The following LRRC8B variants were observed in gnomAD, a reference collection of about 807,000 sequenced individuals.
LRRC8B encodes the protein volume-regulated anion channel subunit LRRC8B.
In LRRC8B, 23 loss-of-function variants were observed where a neutral mutation model predicts 58.8. The observed-to-expected ratio is 0.39, with a 90% CI of 0.28 to 0.55. The LOEUF (loss-of-function observed/expected upper bound fraction) is 0.55. Among genes scored for constraint, LRRC8B ranks in the 20% least tolerant of loss-of-function variants. The pLI, the probability that LRRC8B is intolerant of heterozygous loss-of-function variation, is 0.62. For missense variants in LRRC8B, 694 were observed against 936.0 expected, an observed-to-expected ratio of 0.74 and a Z score of 3.37; for synonymous variants, 359 against 374.1, an observed-to-expected ratio of 0.96 and a Z score of 0.47.
At chr1:89,574,680 C>T (rs1653716619) in intron 3 of LRRC8B, among the ~76,000 whole-genome samples, 1 of 152,062 alleles carries the variant, frequency 6.6e-6, no homozygotes, top group African/African-American at 2.4e-5. Flanking sequence ...TTTAAGCAGA[C>T]TTTAGAGGAA....
Position 89,597,394 on chromosome 1 carries a change from T to A in LRRC8B, c.*4351T>A, listed in dbSNP as rs1297859934. The A allele has an allele frequency of 6.6e-6, 1 of 152,244 alleles. No homozygotes were observed. Among genetic ancestry groups the A allele is most frequent in the Non-Finnish European group, 1.5e-5 (1 of 68,036 alleles). The allele number at this position is 152,244 out of a possible 1,614,324, so 9.4% of individuals were successfully genotyped here. ...AACAATTATGAATGCCTTCTGCATGTTGTACATTATCTCTAACAGAGATGG... is the reference window on the plus strand; with the variant it reads ...AACAATTATGAATGCCTTCTGCATGATGTACATTATCTCTAACAGAGATGG... On this transcript the variant is annotated 3_prime_UTR_variant, in exon 6 of 6. Transcript: ENST00000330947.
At chr1:89,547,787 AG>A (rs1240892742) in intron 1 of LRRC8B, among the ~76,000 whole-genome samples, 2 of 149,312 alleles carry the variant, frequency 1.3e-5, no homozygotes, top group South Asian at 2.2e-4. Context: ...GACAGCAAAA[AG>A]CTTTCTTCAT....
intron 3 of LRRC8B, among the ~76,000 whole-genome samples, chr1:89,573,290 C>G (rs1408032849): frequency 2.0e-5 from 3 of 149,662 alleles, no homozygotes; most frequent in African/African-American, 7.4e-5. Flanking sequence ...CAGAGCAAGA[C>G]TCCGTCTCAA....
At chr1:89,538,447 G>A (rs1382234541) in intron 1 of LRRC8B, among the ~76,000 whole-genome samples, 1 of 152,160 alleles carries the variant, frequency 6.6e-6, no homozygotes, top group African/African-American at 2.4e-5. Flanking sequence ...CCCTTAGAGT[G>A]AAGTGACTGT....
chr1:89,543,193 G>A (rs935684032), intron 1 of LRRC8B, among the ~76,000 whole-genome samples: 8 of 152,116 alleles, frequency 5.3e-5, no homozygotes, highest in African/African-American at 1.9e-4. Flanking sequence ...TCAGTAAATA[G>A]ACAAGTAAAA....
intron 1 of LRRC8B, among the ~76,000 whole-genome samples, chr1:89,527,928 A>G (rs1649822295): frequency 6.6e-6 from 1 of 151,932 alleles, no homozygotes; most frequent in African/African-American, 2.4e-5. Flanking sequence ...ATTTACATTT[A>G]CTCCTTCAGT....
chr1:89,536,601 T>C (rs1211978889), intron 1 of LRRC8B, among the ~76,000 whole-genome samples: 1 of 152,158 alleles, frequency 6.6e-6, no homozygotes, highest in African/African-American at 2.4e-5. Flanking sequence ...GAAGCATATA[T>C]GCTAGAGGAG....
At position 89,584,641 on chromosome 1, in the gene LRRC8B, A is replaced by G. The variant is rs374849265; in HGVS notation, c.1991A>G (p.Asp664Gly). Residue 664 changes from aspartate (D) to glycine (G), a missense_variant, in exon 5 of 6, where the codon GAC becomes GGC. Physicochemically the swap from Asp to Gly is moderately conservative, Grantham distance 94. This residue lies in a region of LRRC8B where 139 missense variants were observed against 158.2 expected (regional missense o/e 0.88). Transcript: ENST00000330947. ...TCTAACCTAGAGCAGCTCTCTTTGG[A>G]CCATAATAATATTGAGAATCTGCCC... ...ALSNLEQLSL[D>G]HNNIENLPLQ... The G allele has an allele frequency of 8.1e-6, 13 of 1,613,940 alleles. No individual in the cohort carries two copies. In the African/African-American group the frequency reaches 1.5e-4, roughly 18 times the overall value.
intron 5 of LRRC8B, among the ~76,000 whole-genome samples, chr1:89,589,787 A>G (rs1457700855): frequency 1.3e-5 from 2 of 149,182 alleles, no homozygotes; most frequent in East Asian, 3.9e-4. Flanking sequence ...AAAAAAAAGG[A>G]AATCTGGTAT....
intron 1 of LRRC8B, 135 bp downstream of exon 1, chr1:89,525,157 C>T (rs1397394999): frequency 6.6e-6 from 1 of 152,350 alleles, no homozygotes; most frequent in Non-Finnish European, 1.5e-5. Flanking sequence ...CACGCCTCAC[C>T]TGCGAGCCAG....
chr1:89,534,499 A>G (rs1650377027), intron 1 of LRRC8B, among the ~76,000 whole-genome samples: 1 of 148,368 alleles, frequency 6.7e-6, no homozygotes, highest in Non-Finnish European at 1.5e-5. Context: ...TTTCATTATC[A>G]TGTCTTTTGT....
chr1:89,543,883 G>C (rs563356410), intron 1 of LRRC8B, among the ~76,000 whole-genome samples: 1 of 151,948 alleles, frequency 6.6e-6, no homozygotes, highest in South Asian at 2.1e-4. Context: ...GATCTCCCAG[G>C]CTCAGGCTAT....
At chr1:89,533,662 T>A (rs1193101328) in intron 1 of LRRC8B, among the ~76,000 whole-genome samples, 1 of 152,224 alleles carries the variant, frequency 6.6e-6, no homozygotes, top group Non-Finnish European at 1.5e-5. Context: ...GAGAACAGCT[T>A]GGCCTCCTCC....
At chr1:89,574,507 A>G (rs916684954) in intron 3 of LRRC8B, among the ~76,000 whole-genome samples, 4 of 152,188 alleles carry the variant, frequency 2.6e-5, no homozygotes, top group Non-Finnish European at 4.4e-5. Context: ...GAACATAGAA[A>G]ATGAACCTAA....
chr1:89,554,345 G>A (rs534917381), intron 1 of LRRC8B, among the ~76,000 whole-genome samples: 9 of 151,810 alleles, frequency 5.9e-5, no homozygotes, highest in East Asian at 1.9e-4. Flanking sequence ...TAAATCTTAC[G>A]CATCTTTCTT....
chr1:89,585,340 T>C (rs1281144103), intron 5 of LRRC8B, among the ~76,000 whole-genome samples: 4 of 152,204 alleles, frequency 2.6e-5, no homozygotes, highest in African/African-American at 9.6e-5. Context: ...CACTACAGCT[T>C]CTTAGAAGCT....
At chr1:89,525,556 G>A (rs1649620477) in intron 1 of LRRC8B, among the ~76,000 whole-genome samples, 1 of 152,210 alleles carries the variant, frequency 6.6e-6, no homozygotes, top group Admixed American at 6.5e-5. Context: ...CTATAATTTG[G>A]TGGTGGTGTT....
At chr1:89,575,821 T>A (rs569828259) in intron 3 of LRRC8B, among the ~76,000 whole-genome samples, 1 of 152,316 alleles carries the variant, frequency 6.6e-6, no homozygotes, top group African/African-American at 2.4e-5. Flanking sequence ...TGGACCTCTT[T>A]ATCTGATGTT....
In LRRC8B at chr1:89,596,718, G is replaced by T. The variant is rs999633410; in HGVS notation, c.*3675G>T. 6.6e-6 allele frequency: 1 copy of T among 152,184 alleles called. No individual in the cohort carries two copies. Among genetic ancestry groups the T allele is most frequent in the South Asian group, 2.1e-4 (1 of 4,822 alleles). The allele number at this position is 152,184 out of a possible 1,614,324, so 9.4% of individuals were successfully genotyped here. A position where few individuals can be genotyped will look rare whatever the true frequency, so the allele number is the denominator to read the frequency against. On this transcript the variant is annotated 3_prime_UTR_variant, in exon 6 of 6. Transcript: ENST00000330947. ...TCACCTACCGCACTAAATTTGATCA[G>T]CAATTGTACAGTAACAGAATATATT...
Sources: gnomAD v4.1 joint callset for allele counts (sites outside exome capture counted in the v4.1 genomes callset) on GRCh38, gnomAD v4.1.1 for gene constraint, gnomAD v4.1.1 regional missense constraint, MANE v1.5 for transcripts, NCBI Gene and HGNC (gene_info 2026-07-23, HGNC 2026-07-21) for gene names.